The following GARS1 variants were observed in gnomAD, a reference collection of about 807,000 sequenced individuals.
GARS1 encodes glycine--tRNA ligase.
Under a neutral mutation model 86.4 loss-of-function variants are expected in GARS1, and 46 were observed. That is an observed-to-expected ratio of 0.53 (90% confidence interval 0.42 to 0.68). The LOEUF (loss-of-function observed/expected upper bound fraction) is 0.68, where lower values mean the gene tolerates loss of function less well. Among genes scored for constraint, GARS1 ranks in the 30% least tolerant of loss-of-function variants. The pLI is 0.00. For synonymous variants in GARS1, 342 were observed against 329.8 expected (o/e 1.04, Z -0.40); for missense variants, 797 against 915.6 (o/e 0.87, Z 1.67).
At position 30,601,210 on chromosome 7, in the gene GARS1, TACTTTGGAGTGG is replaced by T; in HGVS notation, c.569+11_569+22del. ...CTGAGCCAGTTTTAAAGTGAGATCT[TACTTTGGAGTGG>T]GGGTATCCTACTTTAAATAAAATAA... On this transcript the variant is annotated intron_variant, in intron 4 of 16. Transcript: ENST00000389266. 2.5e-6 allele frequency: 4 copies of T among 1,611,898 alleles called. No individual in the cohort carries two copies. Among genetic ancestry groups the T allele is most frequent in the Non-Finnish European group, 3.4e-6 (4 of 1,178,094 alleles).
chr7:30,605,229 G>T (rs1460083571), intron 6 of GARS1, among the ~76,000 whole-genome samples: 1 of 152,162 alleles, frequency 6.6e-6, no homozygotes, highest in Non-Finnish European at 1.5e-5. Context: ...TTCTTTAAAA[G>T]GCCCTGATTC....
At chr7:30,627,131 T>C (rs1783144993) in intron 13 of GARS1, 3 of 454,470 alleles carry the variant, frequency 6.6e-6, no homozygotes, top group Non-Finnish European at 1.4e-5. Flanking sequence ...TGTGGCTGAA[T>C]TGAAATTCCT....
chr7:30,603,787 G>A (rs550268756), intron 6 of GARS1, among the ~76,000 whole-genome samples: 17 of 152,204 alleles, frequency 1.1e-4, no homozygotes, highest in Non-Finnish European at 1.8e-4. Flanking sequence ...TAACAAGTCC[G>A]TGTTAATAGG....
intron 13 of GARS1, 98 bp downstream of exon 13, chr7:30,626,417 A>G: frequency 1.3e-6 from 1 of 773,140 alleles, no homozygotes; most frequent in Non-Finnish European, 2.3e-6. Flanking sequence ...GCTGGAGTGC[A>G]GTGGCACAAC....
intron 12 of GARS1, among the ~76,000 whole-genome samples, chr7:30,625,406 G>A (rs1053267911): frequency 2.6e-5 from 4 of 152,170 alleles, no homozygotes; most frequent in Non-Finnish European, 5.9e-5. Context: ...CCAGTCAGAT[G>A]AGGCATGAGA....
chr7:30,610,608 G>A (rs545906482), intron 7 of GARS1, among the ~76,000 whole-genome samples: 1 of 152,274 alleles, frequency 6.6e-6, no homozygotes, highest in South Asian at 2.1e-4. Context: ...AGAGGCCAGT[G>A]GCAAGCCTTT....
At chr7:30,616,698 G>A (rs138530286) in intron 9 of GARS1, among the ~76,000 whole-genome samples, 15 of 152,260 alleles carry the variant, frequency 9.9e-5, no homozygotes, top group African/African-American at 3.4e-4. Flanking sequence ...TGTACTCTAC[G>A]GGGTTCACAA....
rs759941591 is a variant in GARS1 at position 30,598,842 on chromosome 7, A to G, written c.269A>G (p.Asp90Gly). ...AAAGAAGATAAAGCACCCCAAGTAG[A>G]CGTAGACAAAGCAGTGGCTGAGCTC... ...KLKEDKAPQV[D>G]VDKAVAELKA... Residue 90 changes from aspartate (D) to glycine (G), a missense_variant, in exon 2 of 17, where the codon GAC becomes GGC. Transcript: ENST00000389266. 1 of 1,614,198 alleles carries G rather than the reference A, an allele frequency of 6.2e-7. No individual in the cohort carries two copies. The highest frequency in any genetic ancestry group is 1.7e-5 in the Admixed American group (1 of 60,028).
chr7:30,595,428 C>T (rs1157898519), intron 1 of GARS1, among the ~76,000 whole-genome samples: 1 of 152,188 alleles, frequency 6.6e-6, no homozygotes, highest in Admixed American at 6.5e-5. Context: ...CTTCCCCATT[C>T]TGTCACAGCC....
In GARS1 at chr7:30,633,896, TAAAA is replaced by T. The variant is rs70983380; in HGVS notation, c.*48_*51del. 97 of 1,316,580 alleles carry T rather than the reference TAAAA, an allele frequency of 7.4e-5. No individual in the cohort carries two copies. The highest frequency in any genetic ancestry group is 8.6e-5 in the South Asian group (7 of 81,334). The allele number at this position is 1,316,580 out of a possible 1,614,324, so 81.6% of individuals were successfully genotyped here. On this transcript the variant is annotated 3_prime_UTR_variant, in exon 17 of 17. Transcript: ENST00000389266. ...GACAACTTTTGACCACTTGCGCTAA[TAAAA>T]AAAAAAAAAAACTACTCTTATGTCC...
chr7:30,609,936 A>AT (rs1014402667), intron 7 of GARS1, among the ~76,000 whole-genome samples: 2 of 152,120 alleles, frequency 1.3e-5, no homozygotes, highest in Non-Finnish European at 2.9e-5. Flanking sequence ...GCATATATGT[A>AT]TTTTTTTGGC....
intron 6 of GARS1, among the ~76,000 whole-genome samples, chr7:30,607,769 G>A (rs1007263886): frequency 4.6e-5 from 7 of 152,110 alleles, no homozygotes; most frequent in African/African-American, 1.4e-4. Context: ...TAAAAAACAA[G>A]GTATATTTAG....
Position 30,632,055 on chromosome 7 carries a change from A to G in GARS1, c.1904-192A>G, listed in dbSNP as rs1783244472. 1.6e-6 allele frequency: 1 copy of G among 618,522 alleles called. No individual in the cohort carries two copies. The highest frequency in any genetic ancestry group is 2.9e-6 in the Non-Finnish European group (1 of 347,370). The allele number at this position is 618,522 out of a possible 1,614,324, so 38.3% of individuals were successfully genotyped here. On this transcript the variant is annotated intron_variant, in intron 15 of 16. Coordinates refer to ENST00000389266, the MANE Select transcript of GARS1 (RefSeq NM_002047.4). This position sits in a 1 kb window ranked among gnomAD's most constrained non-coding sequence, Gnocchi z 4.1. ...CCCTATAGCTGTATCAGATGGAGGT[A>G]TGAGTGAAGATTTGGATTCCCGCAA...
chr7:30,628,720 T>G, intron 14 of GARS1, 51 bp downstream of exon 14: 3 of 1,215,786 alleles, frequency 2.5e-6, no homozygotes, highest in Non-Finnish European at 3.7e-6. Context: ...ATAAAAATTT[T>G]CTGAATTACA....
chr7:30,623,827 G>A (rs1783068601), intron 12 of GARS1, among the ~76,000 whole-genome samples: 2 of 152,132 alleles, frequency 1.3e-5, no homozygotes, highest in Admixed American at 1.3e-4. Flanking sequence ...AGCAGCTAGT[G>A]GGGAAAAAGA....
chr7:30,600,061 A>G lies in GARS1; in HGVS notation c.427+12A>G, dbSNP rs1171383899. ...TGCTATTTATGGAGGTAAGGGATTAATGACAAAAAGAACTATTGTGTTGTT... is the reference window on the plus strand; with the variant it reads ...TGCTATTTATGGAGGTAAGGGATTAGTGACAAAAAGAACTATTGTGTTGTT... On this transcript the variant is annotated intron_variant, in intron 3 of 16. Coordinates refer to ENST00000389266, the MANE Select transcript of GARS1 (RefSeq NM_002047.4). The G allele has an allele frequency of 6.4e-7, 1 of 1,571,640 alleles. No individual in the cohort carries two copies. Among genetic ancestry groups the G allele is most frequent in the Non-Finnish European group, 8.8e-7 (1 of 1,141,284 alleles).
At chr7:30,631,353 A>C in intron 14 of GARS1, 95 bp from the exon 15 acceptor site, 1 of 940,562 alleles carries the variant, frequency 1.1e-6, no homozygotes, top group Non-Finnish European at 1.7e-6. Context: ...ATGCTTGAAC[A>C]CTTGCTGAAT....
At position 30,603,246 on chromosome 7, in the gene GARS1, TA is replaced by T. The variant is rs1314350335; in HGVS notation, c.658+126del. Reference sequence around the variant, plus strand: ...TTCAAAGAGCAAAGTGCACAGATCTTAAGTATATAGATCAAGTCCTTTATTT... The same window carrying T: ...TTCAAAGAGCAAAGTGCACAGATCTTAGTATATAGATCAAGTCCTTTATTT... On this transcript the variant is annotated intron_variant, in intron 5 of 16. Coordinates refer to ENST00000389266, the MANE Select transcript of GARS1 (RefSeq NM_002047.4). The T allele has an allele frequency of 7.4e-6, 6 of 813,214 alleles. No individual in the cohort carries two copies. The African/African-American group carries it at 1.0e-4, about 14-fold the overall frequency. The allele number at this position is 813,214 out of a possible 1,614,324, so 50.4% of individuals were successfully genotyped here. A position where few individuals can be genotyped will look rare whatever the true frequency, so the allele number is the denominator to read the frequency against.
chr7:30,606,890 G>T (rs981916014), intron 6 of GARS1, among the ~76,000 whole-genome samples: 6 of 152,068 alleles, frequency 3.9e-5, no homozygotes, highest in Non-Finnish European at 7.4e-5. Context: ...TTAAAGTTAG[G>T]TTTATAGGGT....
Sources: allele counts gnomAD v4.1 joint callset (sites outside exome capture counted in the v4.1 genomes callset), GRCh38; gene constraint gnomAD v4.1.1; non-coding constraint Gnocchi (gnomAD v3.1); transcripts MANE v1.5; gene names NCBI Gene and HGNC (gene_info 2026-07-23, HGNC 2026-07-21).